The following CAB39L variants were observed in gnomAD, a reference collection of about 807,000 sequenced individuals.
CAB39L encodes calcium binding protein 39 like.
In CAB39L, 23 loss-of-function variants were observed where a neutral mutation model predicts 39.1. That is an observed-to-expected ratio of 0.59 (90% CI 0.42 to 0.83). The LOEUF (loss-of-function observed/expected upper bound fraction) is 0.83. CAB39L is among the 40% of genes least tolerant of loss of function. CAB39L has a pLI of 0.00. For synonymous variants in CAB39L, 126 were observed against 137.2 expected (o/e 0.92, Z 0.57); for missense variants, 366 against 391.9 (o/e 0.93, Z 0.56).
chr13:49,311,329 G>C (rs1041144798), intron 10 of CAB39L, among the ~76,000 whole-genome samples: 1 of 152,218 alleles, frequency 6.6e-6, no homozygotes, highest in African/African-American at 2.4e-5. Context: ...CCTACTGCCC[G>C]GCCAGCTGCA....
intron 10 of CAB39L, among the ~76,000 whole-genome samples, chr13:49,317,878 G>C (rs1248124698): frequency 6.6e-6 from 1 of 152,036 alleles, no homozygotes; most frequent in Non-Finnish European, 1.5e-5. Context: ...TCAGTGTCTT[G>C]TATCCAGGAT....
chr13:49,406,423 G>A (rs147373832), intron 3 of CAB39L, among the ~76,000 whole-genome samples: 3,726 of 144,654 alleles, frequency 0.026, 164 homozygotes, highest in African/African-American at 0.091. Flanking sequence ...CTCTTGATCC[G>A]CCTACCTCGG....
At chr13:49,393,646 T>C (rs1321194335) in intron 3 of CAB39L, among the ~76,000 whole-genome samples, 1 of 151,900 alleles carries the variant, frequency 6.6e-6, no homozygotes, top group African/African-American at 2.4e-5. Context: ...AAAGAGACTG[T>C]GGAGAAAACC....
chr13:49,431,895 C>A (rs1957331459), intron 3 of CAB39L, among the ~76,000 whole-genome samples: 1 of 152,050 alleles, frequency 6.6e-6, no homozygotes, highest in African/African-American at 2.4e-5. Flanking sequence ...TCCATCTACA[C>A]AGCACAGATA....
intron 3 of CAB39L, among the ~76,000 whole-genome samples, chr13:49,432,952 A>G (rs1165902516): frequency 6.6e-6 from 1 of 152,206 alleles, no homozygotes; most frequent in Non-Finnish European, 1.5e-5. Flanking sequence ...ATGCCAACAG[A>G]AATCCATGGA....
At chr13:49,429,935 G>C (rs578170629) in intron 3 of CAB39L, among the ~76,000 whole-genome samples, 1 of 151,830 alleles carries the variant, frequency 6.6e-6, no homozygotes, top group South Asian at 2.1e-4. Flanking sequence ...TTGTTATTTG[G>C]TTCAAATATT....
chr13:49,337,589 T>C (rs1173672787), intron 9 of CAB39L, among the ~76,000 whole-genome samples: 1 of 152,136 alleles, frequency 6.6e-6, no homozygotes, highest in Admixed American at 6.5e-5. Context: ...TAACCTCAAG[T>C]AGCAGATGTA....
rs1179579885 is a variant in CAB39L at position 49,329,544 on chromosome 13, AATATATATATATATATATATATAT to A, written c.834+2379_834+2402del. On this transcript the variant is annotated intron_variant, in intron 10 of 10. Coordinates refer to ENST00000409308, the MANE Select transcript of CAB39L (RefSeq NM_001079670.3). ...ACATATCTCTTCAATTAAAAAAAAA[AATATATATATATATATATATATAT>A]ATATATATATATATATATATATATA... Among the ~76,000 whole-genome samples, 31 of 33,806 alleles carry A rather than the reference AATATATATATATATATATATATAT, an allele frequency of 9.2e-4. 1 individual carries two copies. Among genetic ancestry groups the A allele is most frequent in the African/African-American group, 2.2e-3 (14 of 6,244 alleles). The allele number at this position is 33,806 out of a possible 152,430, so 22.2% of individuals were successfully genotyped here.
chr13:49,337,715 C>T (rs1342353842), intron 9 of CAB39L, among the ~76,000 whole-genome samples: 3 of 141,762 alleles, frequency 2.1e-5, no homozygotes. Flanking sequence ...CTTCACTGAT[C>T]GTCTAGCTGC....
At chr13:49,321,032 CT>C (rs1473699244) in intron 10 of CAB39L, among the ~76,000 whole-genome samples, 1 of 152,196 alleles carries the variant, frequency 6.6e-6, no homozygotes, top group Non-Finnish European at 1.5e-5. Flanking sequence ...CCTCTAGAAT[CT>C]CCTGAAATCC....
chr13:49,394,804 C>T (rs1956571985), intron 3 of CAB39L, among the ~76,000 whole-genome samples: 2 of 151,910 alleles, frequency 1.3e-5, no homozygotes, highest in African/African-American at 2.4e-5. Flanking sequence ...TTTTCTTTCT[C>T]GGTTGTACAT....
intron 1 of CAB39L, among the ~76,000 whole-genome samples, chr13:49,442,808 AAAAAAAAAAAAC>A (rs1957559961): frequency 6.7e-6 from 1 of 149,314 alleles, no homozygotes; most frequent in Admixed American, 6.7e-5. Flanking sequence ...AAAAAAAAAA[AAAAAAAAAAAAC>A]ATCAATTATT....
chr13:49,432,036 C>T (rs370520629), intron 3 of CAB39L, among the ~76,000 whole-genome samples: 43 of 151,968 alleles, frequency 2.8e-4, no homozygotes, highest in African/African-American at 8.9e-4. Flanking sequence ...AACAAAAAAA[C>T]GAGTATTTAT....
intron 5 of CAB39L, among the ~76,000 whole-genome samples, chr13:49,375,161 C>T (rs1219936967): frequency 6.6e-6 from 1 of 152,036 alleles, no homozygotes; most frequent in African/African-American, 2.4e-5. Context: ...CCCTATATAA[C>T]ACAACATATA....
intron 3 of CAB39L, among the ~76,000 whole-genome samples, chr13:49,400,155 A>C (rs1051607747): frequency 2.6e-4 from 40 of 152,188 alleles, no homozygotes; most frequent in African/African-American, 7.9e-4. Context: ...ATTCACTTGA[A>C]TCAATAACTA....
chr13:49,338,666 A>C (rs529753051), intron 9 of CAB39L, among the ~76,000 whole-genome samples: 12 of 152,336 alleles, frequency 7.9e-5, no homozygotes, highest in African/African-American at 2.9e-4. Flanking sequence ...AAAGAAAAAA[A>C]AACTGTAAAA....
At chr13:49,418,920 T>A (rs1367824262) in intron 3 of CAB39L, among the ~76,000 whole-genome samples, 1 of 152,240 alleles carries the variant, frequency 6.6e-6, no homozygotes, top group Non-Finnish European at 1.5e-5. Flanking sequence ...TCACCTCATG[T>A]ATATTTGAAA....
At chr13:49,414,527 T>C (rs953568139) in intron 3 of CAB39L, among the ~76,000 whole-genome samples, 19 of 152,196 alleles carry the variant, frequency 1.2e-4, no homozygotes, top group African/African-American at 4.3e-4. Flanking sequence ...AATTATGTTA[T>C]GCTACCATCT....
At chr13:49,386,452 G>A (rs1956363208) in intron 3 of CAB39L, among the ~76,000 whole-genome samples, 1 of 152,048 alleles carries the variant, frequency 6.6e-6, no homozygotes, top group Admixed American at 6.6e-5. Context: ...GTTCTTTGAA[G>A]CCTATTATTA....
Sources: allele counts gnomAD v4.1 joint callset (sites outside exome capture counted in the v4.1 genomes callset), GRCh38; gene constraint gnomAD v4.1.1; transcripts MANE v1.5; gene names NCBI Gene and HGNC (gene_info 2026-07-23, HGNC 2026-07-21).